PIK3C2G: variants seen among roughly 807,000 people sequenced by gnomAD.
PIK3C2G encodes the protein phosphatidylinositol-4-phosphate 3-kinase catalytic subunit type 2 gamma.
A neutral mutation model predicts 181.1 loss-of-function variants in PIK3C2G; 168 were observed. The observed-to-expected ratio is 0.93, with a 90% CI of 0.82 to 1.05. The LOEUF (loss-of-function observed/expected upper bound fraction) is 1.05. Ranked by LOEUF, PIK3C2G falls within the 50% of genes least tolerant of loss-of-function variation. The probability of loss-of-function intolerance (pLI) is 0.00; values close to 1 mark genes in which losing one functional copy is unlikely to be tolerated. For synonymous variants in PIK3C2G, 573 were observed against 592.2 expected (o/e 0.97, Z 0.47); for missense variants, 1,869 against 1,732.8 (o/e 1.08, Z -1.40).
chr12:18,421,898 T>C (rs1280030133), intron 17 of PIK3C2G, among the ~76,000 whole-genome samples: 2 of 152,036 alleles, frequency 1.3e-5, no homozygotes, highest in Non-Finnish European at 2.9e-5. Context: ...ACAGAGATTA[T>C]GAATTTCTCT....
At chr12:18,656,342 C>A in the PIK3C2G span, among the ~76,000 whole-genome samples, 1 of 152,270 alleles carries the variant, frequency 6.6e-6, no homozygotes, top group East Asian at 1.9e-4. Flanking sequence ...CTTTAGGAGG[C>A]TGAGGCGGGT....
At chr12:18,717,595 A>G in the PIK3C2G span, among the ~76,000 whole-genome samples, 1 of 152,116 alleles carries the variant, frequency 6.6e-6, no homozygotes, top group Admixed American at 6.5e-5. Flanking sequence ...AAACTAATTG[A>G]TATCTCAAAC....
chr12:18,308,299 A>G (rs1950502450), intron 5 of PIK3C2G, among the ~76,000 whole-genome samples: 1 of 151,874 alleles, frequency 6.6e-6, no homozygotes, highest in South Asian at 2.1e-4. Flanking sequence ...AAATAATTTG[A>G]CCTAGAATTC....
intron 24 of PIK3C2G, among the ~76,000 whole-genome samples, chr12:18,528,748 G>A (rs887945102): frequency 5.9e-4 from 90 of 152,124 alleles, no homozygotes; most frequent in African/African-American, 2.1e-3. Flanking sequence ...TATCAAACAT[G>A]TAGCTCTTCT....
chr12:18,371,314 A>AAGTG lies in PIK3C2G; in HGVS notation c.1880+4_1880+7dup. Reference sequence around the variant, plus strand: ...TGTCTTCCACTGTTTCCAAAAGAGTAAGTGTATCAATTGTGAGTAATAAGC... The same window carrying AAGTG: ...TGTCTTCCACTGTTTCCAAAAGAGTAAGTGAGTGTATCAATTGTGAGTAATAAGC... On this transcript the variant is annotated splice_donor_region_variant and intron_variant, in intron 13 of 32. Transcript: ENST00000538779. 6.2e-7 allele frequency: 1 copy of AAGTG among 1,603,950 alleles called. No individual in the cohort carries two copies. The highest frequency in any genetic ancestry group is 8.5e-7 in the Non-Finnish European group (1 of 1,175,806).
the PIK3C2G span, among the ~76,000 whole-genome samples, chr12:18,655,481 C>T: frequency 6.6e-6 from 1 of 152,066 alleles, no homozygotes; most frequent in Admixed American, 6.6e-5. Flanking sequence ...GATGTTGCAC[C>T]TGATAAAAGG....
At chr12:18,394,351 A>C (rs569806755) in intron 15 of PIK3C2G, among the ~76,000 whole-genome samples, 6 of 152,206 alleles carry the variant, frequency 3.9e-5, no homozygotes, top group African/African-American at 1.2e-4. Context: ...ACTCTCAATA[A>C]TGTACTTTTC....
chr12:18,375,158 T>C (rs1209463081), intron 13 of PIK3C2G, among the ~76,000 whole-genome samples: 1 of 152,046 alleles, frequency 6.6e-6, no homozygotes, highest in African/African-American at 2.4e-5. Flanking sequence ...GAAGAAGACA[T>C]GAAAATGAGA....
the PIK3C2G span, among the ~76,000 whole-genome samples, chr12:18,657,187 C>T: frequency 6.6e-6 from 1 of 152,074 alleles, no homozygotes; most frequent in Admixed American, 6.6e-5. Context: ...TTTGCCACTG[C>T]TGCTGGGGAC....
intron 30 of PIK3C2G, among the ~76,000 whole-genome samples, chr12:18,601,396 A>G (rs11044212): frequency 2.1e-3 from 321 of 152,236 alleles, no homozygotes; most frequent in Non-Finnish European, 3.7e-3. Flanking sequence ...ATTTTCACTC[A>G]TATGTGGAAG....
At chr12:18,693,591 G>T in the PIK3C2G span, 1 of 1,590,232 alleles carries the variant, frequency 6.3e-7, no homozygotes, top group African/African-American at 1.3e-5. Flanking sequence ...GAATTGTTTC[G>T]AGTTGCTGAA....
chr12:18,355,767 G>A (rs1565630737), intron 11 of PIK3C2G, among the ~76,000 whole-genome samples: 1 of 152,192 alleles, frequency 6.6e-6, no homozygotes, highest in South Asian at 2.1e-4. Context: ...TGGGGTTTGG[G>A]GTCATACCTC....
chr12:18,459,905 G>A (rs1304588136), intron 18 of PIK3C2G, among the ~76,000 whole-genome samples: 2 of 152,084 alleles, frequency 1.3e-5, no homozygotes, highest in East Asian at 3.9e-4. Context: ...TGAGACTACA[G>A]GCACCTGCCA....
At chr12:18,691,246 G>A in the PIK3C2G span, among the ~76,000 whole-genome samples, 5 of 152,086 alleles carry the variant, frequency 3.3e-5, no homozygotes, top group Non-Finnish European at 5.9e-5. Context: ...GGAAGAATGG[G>A]GCAATTTGTT....
At chr12:18,551,565 A>T (rs903049917) in intron 26 of PIK3C2G, among the ~76,000 whole-genome samples, 10 of 152,252 alleles carry the variant, frequency 6.6e-5, no homozygotes, top group African/African-American at 1.7e-4. Context: ...TTTAGTAAGT[A>T]TATGATCTGC....
the PIK3C2G span, among the ~76,000 whole-genome samples, chr12:18,662,414 G>T: frequency 6.6e-6 from 1 of 151,218 alleles, no homozygotes; most frequent in Non-Finnish European, 1.5e-5. Flanking sequence ...ATAAACAAAA[G>T]CTGAGGAAAT....
intron 26 of PIK3C2G, among the ~76,000 whole-genome samples, chr12:18,556,820 T>C (rs189436094): frequency 3.1e-4 from 47 of 152,234 alleles, no homozygotes; most frequent in Admixed American, 6.6e-4. Flanking sequence ...CTGGGATGAA[T>C]AATGGGATCA....
chr12:18,483,199 G>C (rs146915165), intron 18 of PIK3C2G, among the ~76,000 whole-genome samples: 1 of 152,208 alleles, frequency 6.6e-6, no homozygotes, highest in African/African-American at 2.4e-5. Context: ...CCTAAGAACA[G>C]CCACATGTAC....
chr12:18,699,934 A>G, the PIK3C2G span: 1 of 1,610,738 alleles, frequency 6.2e-7, no homozygotes, highest in Non-Finnish European at 8.5e-7. Context: ...GGCCAGAGCA[A>G]TTTTTAGCTT....
Sources: gnomAD v4.1 joint callset for allele counts (sites outside exome capture counted in the v4.1 genomes callset) on GRCh38, gnomAD v4.1.1 for gene constraint, MANE v1.5 for transcripts, NCBI Gene and HGNC (gene_info 2026-07-23, HGNC 2026-07-21) for gene names.